The following NSMCE4A variants were observed in gnomAD, a reference collection of about 807,000 sequenced individuals.
The protein encoded by NSMCE4A is non-structural maintenance of chromosomes element 4 homolog A.
A neutral mutation model predicts 47.9 loss-of-function variants in NSMCE4A; 40 were observed. The observed-to-expected ratio is 0.83, with a 90% CI of 0.65 to 1.09. NSMCE4A has a LOEUF of 1.09. Among genes scored for constraint, NSMCE4A ranks in the 50% least tolerant of loss-of-function variants. The pLI, the probability that NSMCE4A is intolerant of heterozygous loss-of-function variation, is 0.00. For missense variants in NSMCE4A, 500 were observed against 507.0 expected (o/e 0.99, Z 0.13); for synonymous variants, 166 against 178.5 (o/e 0.93, Z 0.56).
intron 6 of NSMCE4A, among the ~76,000 whole-genome samples, chr10:121,962,987 A>G (rs1952529793): frequency 6.6e-6 from 1 of 152,202 alleles, no homozygotes; most frequent in Non-Finnish European, 1.5e-5. Flanking sequence ...TGGAACAGCT[A>G]CTTTTGACAT....
At chr10:121,963,142 A>G in intron 6 of NSMCE4A, 96 bp downstream of exon 6, 1 of 581,738 alleles carries the variant, frequency 1.7e-6, no homozygotes. Flanking sequence ...GTATTTATTC[A>G]AATATTACAT....
At chr10:121,964,426 G>A (rs768048372) in intron 5 of NSMCE4A, among the ~76,000 whole-genome samples, 21 of 151,134 alleles carry the variant, frequency 1.4e-4, no homozygotes, top group Admixed American at 5.9e-4. Context: ...GATTACAGGC[G>A]TAAGCCACCA....
At chr10:121,971,864 T>TAGG (rs1952720737) in intron 2 of NSMCE4A, among the ~76,000 whole-genome samples, 1 of 152,190 alleles carries the variant, frequency 6.6e-6, no homozygotes, top group South Asian at 2.1e-4. Context: ...AGGCTGGCAC[T>TAGG]AGGAGGCTCA....
At position 121,970,950 on chromosome 10, in the gene NSMCE4A, CA is replaced by C. The variant is rs868147255; in HGVS notation, c.489del (p.Tyr163Ter). On this transcript the variant is annotated frameshift_variant, in exon 3 of 11. Transcript: ENST00000369023. LOFTEE classifies it high-confidence loss of function. ...SDLSSFDMLR[Y>X]VETLLTHMGV... ...AGCTTTGAACTTACTAGAGTTTCAA[CA>C]TATCTTAACATGTCAAAGGAGCTCA... 6.2e-7 allele frequency: 1 copy of C among 1,609,646 alleles called. No individual in the cohort carries two copies. Among genetic ancestry groups the C allele is most frequent in the Non-Finnish European group, 8.5e-7 (1 of 1,178,226 alleles).
intron 2 of NSMCE4A, among the ~76,000 whole-genome samples, chr10:121,971,470 G>A (rs1952710725): frequency 6.6e-6 from 1 of 152,252 alleles, no homozygotes; most frequent in Non-Finnish European, 1.5e-5. Context: ...TCGCGCCACT[G>A]CACTCCAGCC....
rs1343280661 is a variant in NSMCE4A at position 121,974,858 on chromosome 10, G to A, written c.292+16C>T. On this transcript the variant is annotated intron_variant, in intron 1 of 10. Transcript: ENST00000369023. ...CGGCCCGTCCGGGCCCGCGCCGCCCGGAGGCGCCGCCTTACGTTGGACGGA... is the reference window on the plus strand; with the variant it reads ...CGGCCCGTCCGGGCCCGCGCCGCCCAGAGGCGCCGCCTTACGTTGGACGGA... 7.0e-6 allele frequency: 10 copies of A among 1,430,586 alleles called. No individual in the cohort carries two copies. The highest frequency in any genetic ancestry group is 2.6e-5 in the Admixed American group (1 of 38,036). 88.6% of individuals were successfully genotyped at this position (1,430,586 alleles called of 1,614,324 possible).
At chr10:121,957,547 C>T (rs1952420436) in intron 10 of NSMCE4A, among the ~76,000 whole-genome samples, 1 of 151,384 alleles carries the variant, frequency 6.6e-6, no homozygotes, top group Non-Finnish European at 1.5e-5. Context: ...CATTCTCCTG[C>T]CTCAGCCTCC....
rs1374546476 is a variant in NSMCE4A at position 121,960,297 on chromosome 10, A to G, written c.988+61T>C. ...TTCATTTACATTTAGTAAAATACTT[A>G]AATTCTACTAACAAATATATTTTCT... On this transcript the variant is annotated intron_variant, in intron 8 of 10. Coordinates refer to ENST00000369023, the MANE Select transcript of NSMCE4A (RefSeq NM_017615.3). This position sits in a 1 kb window ranked among gnomAD's most constrained non-coding sequence, Gnocchi z 4.2. 3 of 1,071,832 alleles carry G rather than the reference A, an allele frequency of 2.8e-6. No individual in the cohort carries two copies. The Admixed American group carries it at 9.4e-5, about 34-fold the overall frequency. 66.4% of individuals were successfully genotyped at this position (1,071,832 alleles called of 1,614,324 possible). A position where few individuals can be genotyped will look rare whatever the true frequency, so the allele number is the denominator to read the frequency against.
At chr10:121,961,669 T>A in intron 6 of NSMCE4A, 152 bp from the exon 7 acceptor site, 1 of 516,634 alleles carries the variant, frequency 1.9e-6, no homozygotes. Context: ...ATTTGGCATC[T>A]CTACTAAAAA....
At chr10:121,964,467 G>T (rs887976751) in intron 5 of NSMCE4A, among the ~76,000 whole-genome samples, 3 of 142,228 alleles carry the variant, frequency 2.1e-5, no homozygotes, top group African/African-American at 7.9e-5. Context: ...TTTTTGAGAC[G>T]GACTCTCGCT....
rs537502125 is a variant in NSMCE4A, at chr10:121,960,820, A to C, written c.940-414T>G. ...AAGGTTATAATCAAATTCATCTTAC[A>C]TGTGGGAATGCAACCTGAAGTAAGA... On this transcript the variant is annotated intron_variant, in intron 7 of 10. Coordinates refer to ENST00000369023, the MANE Select transcript of NSMCE4A (RefSeq NM_017615.3). The surrounding 1 kb of genome is among the most constrained non-coding windows in gnomAD (Gnocchi z 4.2). Among the ~76,000 whole-genome samples, 1 of 152,314 alleles carries C rather than the reference A, an allele frequency of 6.6e-6. No individual in the cohort carries two copies. Among genetic ancestry groups the C allele is most frequent in the African/African-American group, 2.4e-5 (1 of 41,582 alleles).
chr10:121,964,646 T>C (rs1385984718), intron 5 of NSMCE4A, among the ~76,000 whole-genome samples: 4 of 151,070 alleles, frequency 2.6e-5, no homozygotes, highest in African/African-American at 9.8e-5. Flanking sequence ...TTCCCCGTAT[T>C]GGCCGGGCTG....
chr10:121,967,211 T>C (rs1355372370), intron 4 of NSMCE4A: 1 of 154,146 alleles, frequency 6.5e-6, no homozygotes, highest in Non-Finnish European at 1.4e-5. Context: ...CTTTTTTTTC[T>C]TTTTTGAGAC....
Position 121,974,915 on chromosome 10 carries a change from T to C in NSMCE4A, c.251A>G (p.Gln84Arg). 1 of 1,529,374 alleles carries C rather than the reference T, an allele frequency of 6.5e-7. No individual in the cohort carries two copies. Among genetic ancestry groups the C allele is most frequent in the Non-Finnish European group, 8.8e-7 (1 of 1,140,758 alleles). 94.7% of individuals were successfully genotyped at this position (1,529,374 alleles called of 1,614,324 possible). Residue 84 changes from glutamine (Q) to arginine (R), a missense_variant, in exon 1 of 11, where the codon CAG (glutamine) becomes CGG (arginine). By Grantham distance (43) the Gln-to-Arg change is conservative. Coordinates refer to ENST00000369023, the MANE Select transcript of NSMCE4A (RefSeq NM_017615.3). ...GAGCGCCCGGTACTGATGGCGGATC[T>C]GGCGGCACAGGCCTTGGTCGGCCTC... ...EAEADQGLCR[Q>R]IRHQYRALIN... is the part of the protein sequence containing the mutation.
chr10:121,973,212 G>T (rs1036098489), intron 2 of NSMCE4A, among the ~76,000 whole-genome samples: 3 of 144,504 alleles, frequency 2.1e-5, no homozygotes, highest in African/African-American at 8.5e-5. Flanking sequence ...CTCCAGCCTG[G>T]GCAACAGAGA....
At position 121,959,511 on chromosome 10, in the gene NSMCE4A, C is replaced by T. The variant is rs11548140; in HGVS notation, c.1073G>A (p.Arg358His). 1.8e-3 allele frequency: 2,984 copies of T among 1,613,954 alleles called. 2 individuals are homozygous for T. Among genetic ancestry groups the T allele is most frequent in the Non-Finnish European group, 2.4e-3 (2,804 of 1,179,840 alleles). The change falls in exon 9 of 11, where the codon CGT (arginine) becomes CAT (histidine). Residue 358 changes from arginine (R) to histidine (H), a missense_variant. Coordinates refer to ENST00000369023, the MANE Select transcript of NSMCE4A (RefSeq NM_017615.3). ...CAGGCAGAGCTTTACCTCCCAGTCA[C>T]GGTAACTCAAAGCTATAATTCCTTG... The part of the protein sequence containing the change: ...RNQGIIALSY[R>H]DWEEIVKTFE...
At chr10:121,969,046 T>C (rs2134770418) in intron 3 of NSMCE4A, among the ~76,000 whole-genome samples, 1 of 152,356 alleles carries the variant, frequency 6.6e-6, no homozygotes, top group South Asian at 2.1e-4. Flanking sequence ...TGATATGTTA[T>C]TTAAAGTACA....
chr10:121,971,047 G>T lies in NSMCE4A; in HGVS notation c.393C>A (p.Val131=). ...FNEVSRAREA[V]LDAHFLVLAS... ...CCAAAACAAGAAAGTGGGCATCCAG[G>T]ACTGCTTCTCTTGCTCGGGACACTA... is the stretch of plus-strand genomic sequence containing the variant. The change falls in exon 3 of 11, where the codon GTC becomes GTA. Residue 131 remains valine (V), a synonymous_variant. Coordinates refer to ENST00000369023, the MANE Select transcript of NSMCE4A (RefSeq NM_017615.3). The T allele has an allele frequency of 1.2e-6, 2 of 1,613,244 alleles. No homozygotes were observed. Among genetic ancestry groups the T allele is most frequent in the Non-Finnish European group, 8.5e-7 (1 of 1,179,648 alleles).
intron 8 of NSMCE4A, chr10:121,959,883 C>T (rs539875406): frequency 4.6e-6 from 2 of 432,714 alleles, no homozygotes; most frequent in East Asian, 4.5e-5. Context: ...CTAGTGAGTC[C>T]AATAGGACAT....
Sources: allele counts gnomAD v4.1 joint callset (sites outside exome capture counted in the v4.1 genomes callset), GRCh38; gene constraint gnomAD v4.1.1; non-coding constraint Gnocchi (gnomAD v3.1); transcripts MANE v1.5; gene names NCBI Gene and HGNC (gene_info 2026-07-23, HGNC 2026-07-21).